FCHSD2: variants seen among roughly 807,000 people sequenced by gnomAD.
FCHSD2 encodes the protein FCH and double SH3 domains 2.
Under a neutral mutation model 108.1 loss-of-function variants are expected in FCHSD2, and 38 were observed. The observed-to-expected ratio is 0.35, with a 90% CI of 0.27 to 0.46. The LOEUF (loss-of-function observed/expected upper bound fraction) is 0.46, where lower values mean the gene tolerates loss of function less well. FCHSD2 is among the 20% of genes least tolerant of loss of function. FCHSD2 has a pLI of 1.00. For missense variants in FCHSD2, 751 were observed against 897.8 expected (o/e 0.84, Z 2.09); for synonymous variants, 279 against 314.7 (o/e 0.89, Z 1.20).
intron 2 of FCHSD2, among the ~76,000 whole-genome samples, chr11:73,101,282 A>G (rs551729443): frequency 6.6e-6 from 1 of 152,338 alleles, no homozygotes; most frequent in South Asian, 2.1e-4. Context: ...GGCAAATCAG[A>G]TAAGTGCTAG....
chr11:73,060,922 G>C (rs1250664400), intron 3 of FCHSD2, among the ~76,000 whole-genome samples: 3 of 152,188 alleles, frequency 2.0e-5, no homozygotes, highest in Non-Finnish European at 2.9e-5. Flanking sequence ...TGTTCATGAA[G>C]GAAGGCTGAA....
At chr11:72,945,241 GC>G (rs1440150591) in intron 8 of FCHSD2, among the ~76,000 whole-genome samples, 1 of 152,092 alleles carries the variant, frequency 6.6e-6, no homozygotes, top group Non-Finnish European at 1.5e-5. Flanking sequence ...CAGAAATAAT[GC>G]CGCATATCTA....
At chr11:73,059,030 A>T (rs564764106) in intron 3 of FCHSD2, among the ~76,000 whole-genome samples, 5 of 152,160 alleles carry the variant, frequency 3.3e-5, no homozygotes, top group African/African-American at 1.2e-4. Flanking sequence ...TTAGTTTTTA[A>T]GCTAAGCTAA....
At chr11:72,946,444 T>G (rs1255644956) in intron 8 of FCHSD2, among the ~76,000 whole-genome samples, 1 of 151,746 alleles carries the variant, frequency 6.6e-6, no homozygotes, top group Non-Finnish European at 1.5e-5. Context: ...TACCTAATGT[T>G]AAATGATGAG....
chr11:72,839,382 C>T (rs537545331), intron 19 of FCHSD2, among the ~76,000 whole-genome samples: 1 of 152,178 alleles, frequency 6.6e-6, no homozygotes, highest in Admixed American at 6.5e-5. Context: ...AATATCAGAT[C>T]TGCGAAAAGA....
intron 13 of FCHSD2, among the ~76,000 whole-genome samples, chr11:72,864,537 C>A (rs1854681343): frequency 6.6e-6 from 1 of 152,030 alleles, no homozygotes; most frequent in South Asian, 2.1e-4. Context: ...TAGAGGGAGA[C>A]CATCTCCAAA....
At chr11:73,080,658 T>C (rs1456009149) in intron 3 of FCHSD2, among the ~76,000 whole-genome samples, 4 of 152,220 alleles carry the variant, frequency 2.6e-5, no homozygotes, top group Middle Eastern at 3.4e-3. Context: ...TTTAAAGATA[T>C]AGAGGCTGGG....
intron 10 of FCHSD2, 102 bp downstream of exon 10, chr11:72,902,441 G>C (rs1855545141): frequency 1.5e-6 from 1 of 674,468 alleles, no homozygotes; most frequent in African/African-American, 1.8e-5. Flanking sequence ...AAATTGATGA[G>C]ATATACTCAG....
intron 2 of FCHSD2, among the ~76,000 whole-genome samples, chr11:73,100,859 T>C (rs1363778920): frequency 1.4e-5 from 2 of 146,238 alleles, no homozygotes; most frequent in African/African-American, 2.5e-5. Context: ...TGCTTCTACG[T>C]GGGATTTTTT....
rs748302390 is a variant in FCHSD2 at position 73,140,137 on chromosome 11, T to C, written c.22-9A>G. On this transcript the variant is annotated splice_polypyrimidine_tract_variant and intron_variant, in intron 1 of 19. Transcript: ENST00000409418. Reference sequence around the variant, plus strand: ...TCTTGTGTAACTTTCACCTAAAATATACCATATATTTATGAAGGTCTTTTT... The same window carrying C: ...TCTTGTGTAACTTTCACCTAAAATACACCATATATTTATGAAGGTCTTTTT... 1 of 1,472,658 alleles carries C rather than the reference T, an allele frequency of 6.8e-7. No homozygotes were observed. The highest frequency in any genetic ancestry group is 9.2e-7 in the Non-Finnish European group (1 of 1,091,304). The allele number at this position is 1,472,658 out of a possible 1,614,324, so 91.2% of individuals were successfully genotyped here.
intron 5 of FCHSD2, among the ~76,000 whole-genome samples, chr11:72,993,047 C>T (rs1857448606): frequency 6.6e-6 from 1 of 151,976 alleles, no homozygotes; most frequent in African/African-American, 2.4e-5. Flanking sequence ...ACAATGAACT[C>T]AAACAAATTT....
At chr11:72,942,787 T>C (rs1856445644) in intron 8 of FCHSD2, among the ~76,000 whole-genome samples, 1 of 152,200 alleles carries the variant, frequency 6.6e-6, no homozygotes, top group Admixed American at 6.6e-5. Context: ...CATATCTCAC[T>C]GTTTTGTTTT....
intron 3 of FCHSD2, among the ~76,000 whole-genome samples, chr11:73,071,433 T>C (rs554311797): frequency 6.6e-6 from 1 of 151,988 alleles, no homozygotes; most frequent in South Asian, 2.1e-4. Context: ...GGCTCACGCC[T>C]GTAATCCCAG....
Position 72,841,544 on chromosome 11 carries a change from G to A in FCHSD2, c.1966C>T (p.Leu656=), listed in dbSNP as rs144952535. 55 of 1,611,256 alleles carry A rather than the reference G, an allele frequency of 3.4e-5. 1 individual carries two copies. The highest frequency in any genetic ancestry group is 4.5e-5 in the Non-Finnish European group (53 of 1,178,940). The part of the protein sequence containing the change: ...SPKPHASLPP[L]PLYDQPPSSP... ...CTGGGAGGCTGGTCGTACAACGGCA[G>A]TGGAGGCAGGGAGGCGTGTGGCTTG... Residue 656 remains leucine, a synonymous_variant, in exon 18 of 20, where the codon CTG becomes TTG. Transcript: ENST00000409418.
At chr11:72,989,596 C>G (rs988673039) in intron 5 of FCHSD2, among the ~76,000 whole-genome samples, 1 of 152,124 alleles carries the variant, frequency 6.6e-6, no homozygotes, top group African/African-American at 2.4e-5. Context: ...AAGAGAAGCA[C>G]GAAACCTGGG....
At chr11:73,106,101 A>G (rs953825538) in intron 2 of FCHSD2, among the ~76,000 whole-genome samples, 17 of 152,240 alleles carry the variant, frequency 1.1e-4, no homozygotes, top group Non-Finnish European at 2.2e-4. Context: ...AACTGAGGCC[A>G]AAAGTAAATA....
At chr11:72,972,648 A>T (rs899117924) in intron 8 of FCHSD2, among the ~76,000 whole-genome samples, 1 of 152,230 alleles carries the variant, frequency 6.6e-6, no homozygotes, top group Non-Finnish European at 1.5e-5. Context: ...GACTTACAAG[A>T]AGCATCCTAA....
intron 6 of FCHSD2, among the ~76,000 whole-genome samples, chr11:72,988,485 GA>G (rs1380083159): frequency 6.6e-6 from 1 of 151,912 alleles, no homozygotes; most frequent in East Asian, 1.9e-4. Flanking sequence ...TTGTGTAAAA[GA>G]AAAAAACAGT....
chr11:73,045,472 T>C (rs1858739225), intron 3 of FCHSD2, among the ~76,000 whole-genome samples: 1 of 152,058 alleles, frequency 6.6e-6, no homozygotes, highest in Admixed American at 6.5e-5. Flanking sequence ...TGCACACGTA[T>C]GTTTATTGTG....
Sources: allele counts gnomAD v4.1 joint callset (sites outside exome capture counted in the v4.1 genomes callset), GRCh38; gene constraint gnomAD v4.1.1; transcripts MANE v1.5; gene names NCBI Gene and HGNC (gene_info 2026-07-23, HGNC 2026-07-21).